The following CHRNA7 variants were observed in gnomAD, a reference collection of about 807,000 sequenced individuals.
CHRNA7 encodes the protein neuronal acetylcholine receptor subunit alpha-7.
CHRNA7 carries 17 observed loss-of-function variants against 48.0 expected under a neutral mutation model. The ratio of observed to expected loss-of-function variants is 0.35; its 90% confidence interval spans 0.24 to 0.53. The LOEUF is 0.53. CHRNA7 is among the 20% of genes least tolerant of loss of function. The pLI is 0.92. For synonymous variants in CHRNA7, 75 were observed against 242.3 expected, an observed-to-expected ratio of 0.31 and a Z score of 6.41; for missense variants, 155 against 577.7, an observed-to-expected ratio of 0.27 and a Z score of 7.50.
intron 4 of CHRNA7, chr15:32,112,435 T>A: frequency 2.3e-6 from 1 of 443,076 alleles, no homozygotes; most frequent in Non-Finnish European, 4.6e-6. Context: ...TGATTTCTAA[T>A]AGTCTTTCTC....
At chr15:32,121,671 T>C (rs2050973068) in intron 4 of CHRNA7, among the ~76,000 whole-genome samples, 1 of 152,252 alleles carries the variant, frequency 6.6e-6, no homozygotes, top group Admixed American at 6.5e-5. Flanking sequence ...CGTCTTGGTC[T>C]GTCTGGGACA....
chr15:32,072,895 A>G (rs978919140), intron 2 of CHRNA7, among the ~76,000 whole-genome samples: 2 of 152,148 alleles, frequency 1.3e-5, no homozygotes, highest in Non-Finnish European at 2.9e-5. Flanking sequence ...GTGGAAGCCT[A>G]TTGCAGGGGT....
rs184752343 is a variant in CHRNA7, at chr15:32,094,457, A to C, written c.196-6846A>C. ...AATGAATAAACTGAGAATCAAAACA[A>C]ATTATTACACAGTTAAATTAGAAAC... On this transcript the variant is annotated intron_variant, in intron 2 of 9. Transcript: ENST00000306901. Among the ~76,000 whole-genome samples, 15 of 152,294 alleles carry C rather than the reference A, an allele frequency of 9.8e-5. No individual in the cohort carries two copies. The East Asian group carries it at 2.9e-3, about 29-fold the overall frequency.
At chr15:32,104,637 T>C (rs1479355832) in intron 3 of CHRNA7, among the ~76,000 whole-genome samples, 1 of 152,098 alleles carries the variant, frequency 6.6e-6, no homozygotes, top group Admixed American at 6.5e-5. Context: ...GTTCACTGTC[T>C]CACCTGTAGC....
chr15:32,097,780 A>C, intron 2 of CHRNA7, among the ~76,000 whole-genome samples: 1 of 152,180 alleles, frequency 6.6e-6, no homozygotes. Flanking sequence ...CCTCTCTTGC[A>C]GGAACCCCCT....
At chr15:32,095,311 C>A (rs934010059) in intron 2 of CHRNA7, among the ~76,000 whole-genome samples, 1 of 152,176 alleles carries the variant, frequency 6.6e-6, no homozygotes, top group Non-Finnish European at 1.5e-5. Context: ...GACTCCGTTG[C>A]TCTCCTTAAC....
chr15:32,112,822 G>C (rs1402631870), intron 4 of CHRNA7, among the ~76,000 whole-genome samples: 1 of 151,760 alleles, frequency 6.6e-6, no homozygotes, highest in South Asian at 2.1e-4. Context: ...GCTATTTCTT[G>C]TATGGACTTT....
intron 2 of CHRNA7, among the ~76,000 whole-genome samples, chr15:32,068,084 G>A (rs1376242929): frequency 6.6e-6 from 1 of 152,158 alleles, no homozygotes; most frequent in Non-Finnish European, 1.5e-5. Flanking sequence ...GGCTGAGACA[G>A]GAGGATTGCT....
At chr15:32,126,044 C>T (rs796171255) in intron 4 of CHRNA7, among the ~76,000 whole-genome samples, 13 of 152,016 alleles carry the variant, frequency 8.6e-5, no homozygotes, top group African/African-American at 3.1e-4. Flanking sequence ...TTCATTTTGA[C>T]AAATGAATGC....
At chr15:32,124,877 G>A (rs1042392301) in intron 4 of CHRNA7, among the ~76,000 whole-genome samples, 1 of 152,162 alleles carries the variant, frequency 6.6e-6, no homozygotes, top group African/African-American at 2.4e-5. Flanking sequence ...TTGGCCATCT[G>A]AGGACACAAG....
intron 2 of CHRNA7, among the ~76,000 whole-genome samples, chr15:32,090,124 G>A (rs1444401401): frequency 6.6e-6 from 1 of 152,178 alleles, no homozygotes; most frequent in Non-Finnish European, 1.5e-5. Context: ...CTTCACAAGT[G>A]TTTCTCTAGT....
At chr15:32,060,467 G>T (rs1036462740) in intron 2 of CHRNA7, among the ~76,000 whole-genome samples, 1 of 152,026 alleles carries the variant, frequency 6.6e-6, no homozygotes, top group Non-Finnish European at 1.5e-5. Context: ...TGTAAGAATA[G>T]AAATAGGATA....
intron 4 of CHRNA7, among the ~76,000 whole-genome samples, chr15:32,114,333 A>G (rs1439916375): frequency 6.6e-6 from 1 of 152,048 alleles, no homozygotes. Context: ...AATTTCAAGG[A>G]GCAAAGATAG....
At chr15:32,152,225 A>G (rs2051644756) in intron 4 of CHRNA7, among the ~76,000 whole-genome samples, 1 of 152,112 alleles carries the variant, frequency 6.6e-6, no homozygotes, top group African/African-American at 2.4e-5. Flanking sequence ...GGGGTGGATC[A>G]CGAGGCCAGG....
chr15:32,138,772 G>GTTTTGTTTTGTTTA (rs2051322105), intron 4 of CHRNA7, among the ~76,000 whole-genome samples: 1 of 49,402 alleles, frequency 2.0e-5, no homozygotes, highest in Non-Finnish European at 4.0e-5. Flanking sequence ...TGTTTTGTTT[G>GTTTTGTTTTGTTTA]AGATGGTGTA....
chr15:32,045,381 G>C lies in CHRNA7; in HGVS notation c.195+14344G>C, dbSNP rs150934542. On this transcript the variant is annotated intron_variant, in intron 2 of 9. Coordinates refer to ENST00000306901, the MANE Select transcript of CHRNA7 (RefSeq NM_000746.6). ...TTGCTTCTGACAACAGCCACCCCAT[G>C]GGTACCAGCAACCACACATAACCTT... Among the ~76,000 whole-genome samples, 303 of 152,186 alleles carry C rather than the reference G, an allele frequency of 2.0e-3. 2 individuals carry two copies. The highest frequency in any genetic ancestry group is 6.7e-3 in the African/African-American group (279 of 41,526).
chr15:32,075,506 CTTA>C (rs140016543), intron 2 of CHRNA7, among the ~76,000 whole-genome samples: 1 of 151,266 alleles, frequency 6.6e-6, no homozygotes, highest in Non-Finnish European at 1.5e-5. Flanking sequence ...ATAGTACTTT[CTTA>C]TTATCCTTTG....
intron 2 of CHRNA7, among the ~76,000 whole-genome samples, chr15:32,082,821 T>C (rs2050236891): frequency 6.6e-6 from 1 of 152,170 alleles, no homozygotes; most frequent in African/African-American, 2.4e-5. Flanking sequence ...TGTTTTTTAG[T>C]ATAATTTCTT....
In CHRNA7 at chr15:32,044,351, C is replaced by T. The variant is rs375033276; in HGVS notation, c.195+13314C>T. On this transcript the variant is annotated intron_variant, in intron 2 of 9. Transcript: ENST00000306901. ...GGAGTGCAATGGCACGATCTTGGCT[C>T]ACTACAACCTCTGCCACCTGGATTC... 6.7e-4 allele frequency among the ~76,000 whole-genome samples: 102 copies of T among 151,704 alleles called. No homozygotes were observed. In the South Asian group the frequency reaches 0.02, roughly 30 times the overall value.
Sources: gnomAD v4.1 joint callset for allele counts (sites outside exome capture counted in the v4.1 genomes callset) on GRCh38, gnomAD v4.1.1 for gene constraint, MANE v1.5 for transcripts, NCBI Gene and HGNC (gene_info 2026-07-23, HGNC 2026-07-21) for gene names.